Variants in RBFOX1 observed in about 807,000 individuals in gnomAD.
RBFOX1 encodes RNA binding protein fox-1 homolog 1.
Under a neutral mutation model 57.7 loss-of-function variants are expected in RBFOX1, and 8 were observed. The ratio of observed to expected loss-of-function variants is 0.14; its 90% CI spans 0.08 to 0.25. The LOEUF (loss-of-function observed/expected upper bound fraction) is 0.25, where lower values mean the gene tolerates loss of function less well. RBFOX1 is among the 10% of genes least tolerant of loss of function. The pLI, the probability that RBFOX1 is intolerant of heterozygous loss-of-function variation, is 1.00. For synonymous variants in RBFOX1, 326 were observed against 222.4 expected (o/e 1.47, Z -4.15); for missense variants, 611 against 548.5 (o/e 1.11, Z -1.14).
chr16:7,172,200 C>T (rs1177294833), intron 4 of RBFOX1, among the ~76,000 whole-genome samples: 1 of 152,090 alleles, frequency 6.6e-6, no homozygotes, highest in Non-Finnish European at 1.5e-5. Flanking sequence ...CCAATAATTC[C>T]ATATTTTCTT....
intron 4 of RBFOX1, among the ~76,000 whole-genome samples, chr16:7,136,773 A>G (rs1254049022): frequency 6.6e-6 from 1 of 152,198 alleles, no homozygotes; most frequent in Non-Finnish European, 1.5e-5. Context: ...TCAGGTGGAT[A>G]GTGGTTAGTA....
At chr16:7,654,597 T>A (rs2065869096) in intron 12 of RBFOX1, among the ~76,000 whole-genome samples, 2 of 152,256 alleles carry the variant, frequency 1.3e-5, no homozygotes, top group Middle Eastern at 3.4e-3. Flanking sequence ...GACTTTGATA[T>A]TGCCAGGCGA....
chr16:5,820,377 A>G (rs1347879221), intron 3 of RBFOX1, among the ~76,000 whole-genome samples: 2 of 152,110 alleles, frequency 1.3e-5, no homozygotes, highest in Non-Finnish European at 2.9e-5. Context: ...GCAGGAACAG[A>G]TGACATTGGA....
chr16:7,425,398 C>T lies in RBFOX1; in HGVS notation c.28-92749C>T, dbSNP rs376780816. ...TTCATTGCTTCATTTTTCCCTCAACCGGATCATGTAATAGAAAACTTCCTC... is the reference window on the plus strand; with the variant it reads ...TTCATTGCTTCATTTTTCCCTCAACTGGATCATGTAATAGAAAACTTCCTC... On this transcript the variant is annotated intron_variant, in intron 4 of 15. Coordinates refer to ENST00000550418, the MANE Select transcript of RBFOX1 (RefSeq NM_018723.4). Among the ~76,000 whole-genome samples, 39 of 152,286 alleles carry T rather than the reference C, an allele frequency of 2.6e-4. 1 individual carries two copies. Among genetic ancestry groups the T allele is most frequent in the African/African-American group, 7.2e-4 (30 of 41,552 alleles).
intron 12 of RBFOX1, among the ~76,000 whole-genome samples, chr16:7,659,514 C>A (rs992068868): frequency 5.9e-5 from 9 of 152,054 alleles, no homozygotes; most frequent in Admixed American, 2.0e-4. Context: ...TTTTGGTTTC[C>A]CTGGGACACA....
intron 4 of RBFOX1, among the ~76,000 whole-genome samples, chr16:5,976,695 C>T (rs527556605): frequency 6.6e-6 from 1 of 152,128 alleles, no homozygotes; most frequent in South Asian, 2.1e-4. Flanking sequence ...ATGGTGAAAC[C>T]TTGTTTCTAC....
chr16:7,132,198 C>G (rs1394358947), intron 4 of RBFOX1, among the ~76,000 whole-genome samples: 1 of 151,924 alleles, frequency 6.6e-6, no homozygotes, highest in South Asian at 2.1e-4. Context: ...CCAGGCTGGC[C>G]TCAAACTCCT....
At chr16:5,595,752 T>G (rs1471045561) in intron 2 of RBFOX1, among the ~76,000 whole-genome samples, 1 of 152,210 alleles carries the variant, frequency 6.6e-6, no homozygotes, top group Non-Finnish European at 1.5e-5. Context: ...AATGTTAATA[T>G]GTGCTTGTCT....
intron 4 of RBFOX1, among the ~76,000 whole-genome samples, chr16:7,472,404 A>T (rs1194934161): frequency 6.6e-6 from 1 of 152,178 alleles, no homozygotes; most frequent in Admixed American, 6.5e-5. Context: ...ACGAGTCTTT[A>T]TAACTTAACT....
intron 2 of RBFOX1, among the ~76,000 whole-genome samples, chr16:5,556,115 C>T (rs923154065): frequency 1.3e-5 from 2 of 152,194 alleles, no homozygotes; most frequent in African/African-American, 4.8e-5. Flanking sequence ...CCTAAGCCAG[C>T]GTGTTAGAAT....
At chr16:6,321,725 T>A (rs1473159404) in intron 2 of RBFOX1, among the ~76,000 whole-genome samples, 1 of 152,210 alleles carries the variant, frequency 6.6e-6, no homozygotes, top group South Asian at 2.1e-4. Flanking sequence ...GATAAATGCA[T>A]CCACCTTTTG....
rs115920864 is a variant in RBFOX1, at chr16:7,361,064, C to G, written c.28-157083C>G. Among the ~76,000 whole-genome samples, 645 of 152,302 alleles carry G rather than the reference C, an allele frequency of 4.2e-3. 2 individuals carry two copies. The highest frequency in any genetic ancestry group is 0.015 in the African/African-American group (616 of 41,558). On this transcript the variant is annotated intron_variant, in intron 4 of 15. Coordinates refer to ENST00000550418, the MANE Select transcript of RBFOX1 (RefSeq NM_018723.4). ...TTGTGGCGTGGTAGATGTTTGTAAA[C>G]TCTGCCTGCTGGGGGTTTCTTGGCC...
At chr16:7,034,120 C>T (rs1285786340) in intron 3 of RBFOX1, among the ~76,000 whole-genome samples, 6 of 152,124 alleles carry the variant, frequency 3.9e-5, no homozygotes, top group Non-Finnish European at 8.8e-5. Context: ...ATCCCTGGAG[C>T]AACAGGACGT....
chr16:6,695,212 G>C (rs1305011459), intron 3 of RBFOX1, among the ~76,000 whole-genome samples: 1 of 152,010 alleles, frequency 6.6e-6, no homozygotes, highest in Non-Finnish European at 1.5e-5. Flanking sequence ...CTGATGTCAG[G>C]AGTTTGAGAC....
chr16:7,299,421 C>G (rs1230598046), intron 4 of RBFOX1, among the ~76,000 whole-genome samples: 1 of 152,130 alleles, frequency 6.6e-6, no homozygotes, highest in Admixed American at 6.5e-5. Flanking sequence ...CACTGACAAC[C>G]CACACCCAAA....
intron 4 of RBFOX1, among the ~76,000 whole-genome samples, chr16:5,879,229 C>A (rs554055834): frequency 6.6e-6 from 1 of 152,200 alleles, no homozygotes; most frequent in Non-Finnish European, 1.5e-5. Flanking sequence ...AAGAAGGCTT[C>A]CTGAGTTCCA....
intron 4 of RBFOX1, among the ~76,000 whole-genome samples, chr16:5,917,603 C>T (rs916481072): frequency 6.6e-6 from 1 of 152,140 alleles, no homozygotes; most frequent in Non-Finnish European, 1.5e-5. Context: ...CTGGGTGTGT[C>T]CATGTGAGTT....
intron 4 of RBFOX1, among the ~76,000 whole-genome samples, chr16:7,096,471 A>G (rs961361215): frequency 3.3e-5 from 5 of 152,108 alleles, no homozygotes; most frequent in Admixed American, 6.6e-5. Context: ...TGGTGGGTGG[A>G]CCACACTCAT....
At chr16:5,436,170 G>A (rs946309810) in intron 1 of RBFOX1, among the ~76,000 whole-genome samples, 4 of 152,186 alleles carry the variant, frequency 2.6e-5, no homozygotes, top group African/African-American at 9.7e-5. Flanking sequence ...CTTTCTCTGG[G>A]GAGAGACACT....
Sources: gnomAD v4.1 joint callset for allele counts (sites outside exome capture counted in the v4.1 genomes callset) on GRCh38, gnomAD v4.1.1 for gene constraint, MANE v1.5 for transcripts, NCBI Gene and HGNC (gene_info 2026-07-23, HGNC 2026-07-21) for gene names.